Variants in PCDHGB7 observed in about 807,000 individuals in gnomAD.
PCDHGB7 encodes the protein protocadherin gamma subfamily B, 7.
A neutral mutation model predicts 61.4 loss-of-function variants in PCDHGB7; 37 were observed. That is an observed-to-expected ratio of 0.60 (90% CI 0.46 to 0.79). The LOEUF (loss-of-function observed/expected upper bound fraction) is 0.79. PCDHGB7 is among the 30% of genes least tolerant of loss of function. PCDHGB7 has a pLI of 0.00. For synonymous variants in PCDHGB7, 464 were observed against 503.5 expected, an observed-to-expected ratio of 0.92 and a Z score of 1.05; for missense variants, 1,166 against 1,202.5, an observed-to-expected ratio of 0.97 and a Z score of 0.45.
chr5:141,419,467 C>T lies in PCDHGB7; in HGVS notation c.1608C>T (p.Asp536=). 1 of 1,612,476 alleles carries T rather than the reference C, an allele frequency of 6.2e-7. No individual in the cohort carries two copies. The highest frequency in any genetic ancestry group is 8.5e-7 in the Non-Finnish European group (1 of 1,179,522). Residue 536 remains aspartate, a synonymous_variant, in exon 1 of 4, where the codon GAC becomes GAT. Coordinates refer to ENST00000398594, the MANE Select transcript of PCDHGB7 (RefSeq NM_018927.4). The part of the protein sequence containing the change: ...RTFELTLQAR[D]QGSPALSANV... ...TCGAGCTCACGCTGCAGGCCCGCGA[C>T]CAGGGCTCGCCCGCGCTCAGCGCCA...
chr5:141,467,769 G>A (rs573567102), intron 1 of PCDHGB7, among the ~76,000 whole-genome samples: 9 of 151,590 alleles, frequency 5.9e-5, no homozygotes, highest in East Asian at 3.9e-4. Flanking sequence ...TCAAGTGCCC[G>A]CACCTCAGCC....
At position 141,427,408 on chromosome 5, in the gene PCDHGB7, G is replaced by C. The variant is rs975709597; in HGVS notation, c.2415+7134G>C. ...TTCAAAACACATGATAAAGATTCGA[G>C]AGAAAATGGGGAGGTTACATGCCTC... On this transcript the variant is annotated intron_variant, in intron 1 of 3. Coordinates refer to ENST00000398594, the MANE Select transcript of PCDHGB7 (RefSeq NM_018927.4). The C allele has an allele frequency of 1.3e-5, 6 of 463,300 alleles. No homozygotes were observed. In the Admixed American group the frequency reaches 1.4e-4, roughly 11 times the overall value. The allele number at this position is 463,300 out of a possible 1,614,324, so 28.7% of individuals were successfully genotyped here. A position where few individuals can be genotyped will look rare whatever the true frequency, so the allele number is the denominator to read the frequency against.
At chr5:141,448,185 G>A (rs2098572532) in intron 1 of PCDHGB7, among the ~76,000 whole-genome samples, 1 of 152,020 alleles carries the variant, frequency 6.6e-6, no homozygotes, top group Non-Finnish European at 1.5e-5. Flanking sequence ...CCCTGGTTAT[G>A]TACACTTACA....
intron 1 of PCDHGB7, chr5:141,430,789 C>A (rs2097310124): frequency 6.6e-7 from 1 of 1,515,808 alleles, no homozygotes; most frequent in Non-Finnish European, 8.8e-7. Context: ...ACCGGGACTA[C>A]AAAGGGCTTG....
chr5:141,447,328 C>T (rs546209008), intron 1 of PCDHGB7, among the ~76,000 whole-genome samples: 39 of 151,886 alleles, frequency 2.6e-4, no homozygotes, highest in Admixed American at 7.2e-4. Flanking sequence ...TTAGTAGAGA[C>T]GGGTTTCATC....
intron 1 of PCDHGB7, among the ~76,000 whole-genome samples, chr5:141,469,232 A>AC (rs1350524557): frequency 2.0e-5 from 3 of 151,722 alleles, no homozygotes; most frequent in Non-Finnish European, 4.4e-5. Flanking sequence ...AGCCATGATC[A>AC]CCCCACTGCA....
At chr5:141,459,427 G>A (rs1489214494) in intron 1 of PCDHGB7, among the ~76,000 whole-genome samples, 2 of 152,228 alleles carry the variant, frequency 1.3e-5, no homozygotes, top group Non-Finnish European at 2.9e-5. Flanking sequence ...ATATCACAAT[G>A]TGTTCATTCA....
intron 1 of PCDHGB7, among the ~76,000 whole-genome samples, chr5:141,459,971 A>G (rs1458539493): frequency 2.6e-5 from 4 of 152,208 alleles, no homozygotes; most frequent in Non-Finnish European, 5.9e-5. Flanking sequence ...CCAGCTACTC[A>G]GGAGGCTGAG....
rs113107293 is a variant in PCDHGB7, at chr5:141,432,844, A to G, written c.2415+12570A>G. ...CAGACCTCACTCTGTACCTGGTGGTAGCGGTGGCCGCGGTCTCCTGCGTCT... is the reference window on the plus strand; with the variant it reads ...CAGACCTCACTCTGTACCTGGTGGTGGCGGTGGCCGCGGTCTCCTGCGTCT... On this transcript the variant is annotated intron_variant, in intron 1 of 3. Coordinates refer to ENST00000398594, the MANE Select transcript of PCDHGB7 (RefSeq NM_018927.4). This position sits in a 1 kb window ranked among gnomAD's most constrained non-coding sequence, Gnocchi z 6.0. 0.01 allele frequency: 16,860 copies of G among 1,614,178 alleles called. 121 individuals carry two copies. Among genetic ancestry groups the G allele is most frequent in the Non-Finnish European group, 0.012 (14,441 of 1,180,006 alleles).
chr5:141,490,251 A>G lies in PCDHGB7; in HGVS notation c.2416-4556A>G, dbSNP rs1479384008. ...CCATGGAGGGCCACTGTGTGATTCA[A>G]GTGGATGTGGGGGATGTCAATGACA... is the stretch of plus-strand genomic sequence containing the variant. On this transcript the variant is annotated intron_variant, in intron 1 of 3. Coordinates refer to ENST00000398594, the MANE Select transcript of PCDHGB7 (RefSeq NM_018927.4). This position sits in a 1 kb window ranked among gnomAD's most constrained non-coding sequence, Gnocchi z 5.4. 6.2e-7 allele frequency: 1 copy of G among 1,614,210 alleles called. No homozygotes were observed. Among genetic ancestry groups the G allele is most frequent in the Non-Finnish European group, 8.5e-7 (1 of 1,180,036 alleles).
chr5:141,471,044 CT>C (rs1432278092), intron 1 of PCDHGB7, among the ~76,000 whole-genome samples: 3 of 136,442 alleles, frequency 2.2e-5, no homozygotes. Flanking sequence ...AGCCCAAGCC[CT>C]CTTTTTTTTT....
intron 1 of PCDHGB7, among the ~76,000 whole-genome samples, chr5:141,420,742 A>T (rs967908996): frequency 6.6e-6 from 1 of 152,254 alleles, no homozygotes; most frequent in African/African-American, 2.4e-5. Flanking sequence ...AATCAATTGG[A>T]ACCAACTACA....
chr5:141,485,116 G>T lies in PCDHGB7; in HGVS notation c.2416-9691G>T, dbSNP rs904145668. ...TGTCTCCAGCTGCTGTGGCTGTTTGGGGCGGGTCGGCTTCATCCGCGTCTC... is the reference window on the plus strand; with the variant it reads ...TGTCTCCAGCTGCTGTGGCTGTTTGTGGCGGGTCGGCTTCATCCGCGTCTC... On this transcript the variant is annotated intron_variant, in intron 1 of 3. Coordinates refer to ENST00000398594, the MANE Select transcript of PCDHGB7 (RefSeq NM_018927.4). This position sits in a 1 kb window ranked among gnomAD's most constrained non-coding sequence, Gnocchi z 5.7. 3.0e-6 allele frequency: 4 copies of T among 1,312,058 alleles called. No homozygotes were observed. The African/African-American group carries it at 5.8e-5, about 19-fold the overall frequency. 81.3% of individuals were successfully genotyped at this position (1,312,058 alleles called of 1,614,324 possible).
intron 1 of PCDHGB7, among the ~76,000 whole-genome samples, chr5:141,475,518 T>C (rs963473660): frequency 1.3e-5 from 2 of 152,356 alleles, no homozygotes; most frequent in East Asian, 1.9e-4. Flanking sequence ...TCCACGGAAA[T>C]GCTAAATGCC....
chr5:141,419,071 A>G lies in PCDHGB7; in HGVS notation c.1212A>G (p.Leu404=). 6.2e-7 allele frequency: 1 copy of G among 1,614,006 alleles called. No individual in the cohort carries two copies. The highest frequency in any genetic ancestry group is 1.1e-5 in the South Asian group (1 of 91,092). The part of the protein sequence containing the change: ...IHSSSNNYYK[L]VTDEALDREQ... ...CTTCTTCTAATAATTACTACAAGCT[A>G]GTAACAGATGAGGCCCTGGATCGGG... The change falls in exon 1 of 4, where the codon CTA becomes CTG. Residue 404 remains leucine (L), a synonymous_variant. Coordinates refer to ENST00000398594, the MANE Select transcript of PCDHGB7 (RefSeq NM_018927.4).
chr5:141,478,700 C>T (rs1171617240), intron 1 of PCDHGB7: 2 of 1,549,172 alleles, frequency 1.3e-6, no homozygotes, highest in South Asian at 1.2e-5. Flanking sequence ...AAAGTTAGTG[C>T]CTTTGTGAGA....
At position 141,437,741 on chromosome 5, in the gene PCDHGB7, C is replaced by CTT. The variant is rs35124340; in HGVS notation, c.2415+17481_2415+17482dup. 4.3e-3 allele frequency among the ~76,000 whole-genome samples: 606 copies of CTT among 141,726 alleles called. 5 individuals are homozygous for CTT. The highest frequency in any genetic ancestry group is 0.012 in the Admixed American group (164 of 14,230). 93.0% of individuals were successfully genotyped at this position (141,726 alleles called of 152,430 possible). A position where few individuals can be genotyped will look rare whatever the true frequency, so the allele number is the denominator to read the frequency against. On this transcript the variant is annotated intron_variant, in intron 1 of 3. Transcript: ENST00000398594. ...CTCTAATGTTACACTTTGAGTTCAC[C>CTT]TTTTTTTTTTTTTTTGAGACAGAGT...
intron 1 of PCDHGB7, chr5:141,421,703 G>A: frequency 1.2e-6 from 2 of 1,613,946 alleles, no homozygotes; most frequent in Middle Eastern, 1.6e-4. Context: ...CCTAATGCTA[G>A]GGATCCAGAT....
rs980172909 is a variant in PCDHGB7, at chr5:141,485,917, G to A, written c.2416-8890G>A. On this transcript the variant is annotated intron_variant, in intron 1 of 3. Transcript: ENST00000398594. The surrounding 1 kb of genome is among the most constrained non-coding windows in gnomAD (Gnocchi z 5.7). ...CAGCCTTCCAGCAATCCAGCTACAGGATTAGTGTGTTGGAGAGCGCACCAG... is the reference window on the plus strand; with the variant it reads ...CAGCCTTCCAGCAATCCAGCTACAGAATTAGTGTGTTGGAGAGCGCACCAG... The A allele has an allele frequency of 2.6e-5, 42 of 1,614,078 alleles. No homozygotes were observed. Among genetic ancestry groups the A allele is most frequent in the Non-Finnish European group, 3.5e-5 (41 of 1,180,050 alleles).
Sources: gnomAD v4.1 joint callset for allele counts (sites outside exome capture counted in the v4.1 genomes callset) on GRCh38, gnomAD v4.1.1 for gene constraint, Gnocchi (gnomAD v3.1) non-coding constraint, MANE v1.5 for transcripts, NCBI Gene and HGNC (gene_info 2026-07-23, HGNC 2026-07-21) for gene names.